The following NRG1 variants were observed in gnomAD, a reference collection of about 807,000 sequenced individuals.
NRG1 encodes pro-neuregulin-1, membrane-bound isoform.
A neutral mutation model predicts 63.8 loss-of-function variants in NRG1; 18 were observed. That is an observed-to-expected ratio of 0.28 (90% CI 0.19 to 0.42). The LOEUF (loss-of-function observed/expected upper bound fraction) is 0.42, where lower values mean the gene tolerates loss of function less well. Among genes scored for constraint, NRG1 ranks in the 10% least tolerant of loss-of-function variants. The probability of loss-of-function intolerance (pLI) is 1.00; values close to 1 mark genes in which losing one functional copy is unlikely to be tolerated. For synonymous variants in NRG1, 302 were observed against 301.3 expected (o/e 1.00, Z -0.02); for missense variants, 762 against 814.7 (o/e 0.94, Z 0.79).
In NRG1 at chr8:31,854,448, G is replaced by A. The variant is rs1385876795; in HGVS notation, c.37+215017G>A. Among the ~76,000 whole-genome samples the A allele has an allele frequency of 4.1e-3, 617 of 151,888 alleles. 1 individual carries two copies. Among genetic ancestry groups the A allele is most frequent in the Non-Finnish European group, 5.9e-3 (398 of 67,884 alleles). Reference sequence around the variant, plus strand: ...TGGTAGTTTGTATTTCTGTGGGATCGGTGGTGATATCCCCTTTATCATTTT... The same window carrying A: ...TGGTAGTTTGTATTTCTGTGGGATCAGTGGTGATATCCCCTTTATCATTTT... On this transcript the variant is annotated intron_variant, in intron 1 of 10. Transcript: ENST00000519301.
chr8:32,264,796 A>G (rs1850741036), intron 1 of NRG1, among the ~76,000 whole-genome samples: 2 of 152,152 alleles, frequency 1.3e-5, no homozygotes, highest in South Asian at 2.1e-4. Context: ...AGTGGTTCCA[A>G]TACTGTGAGG....
chr8:31,847,208 T>G (rs1375987962), intron 1 of NRG1, among the ~76,000 whole-genome samples: 1 of 152,244 alleles, frequency 6.6e-6, no homozygotes, highest in African/African-American at 2.4e-5. Context: ...TTTTCAAGAT[T>G]ATTTTTAACT....
chr8:32,440,402 G>T (rs141291425), intron 1 of NRG1, among the ~76,000 whole-genome samples: 4 of 152,006 alleles, frequency 2.6e-5, no homozygotes, highest in Admixed American at 1.3e-4. Flanking sequence ...CAAGTGATCT[G>T]CCCACCTCGG....
At chr8:31,973,533 G>A (rs772101801) in intron 1 of NRG1, among the ~76,000 whole-genome samples, 6 of 152,122 alleles carry the variant, frequency 3.9e-5, no homozygotes, top group Non-Finnish European at 5.9e-5. Context: ...GTAAATATTC[G>A]TGATTTATTC....
chr8:31,851,625 T>C (rs1178725439), intron 1 of NRG1, among the ~76,000 whole-genome samples: 2 of 152,232 alleles, frequency 1.3e-5, no homozygotes, highest in Non-Finnish European at 2.9e-5. Flanking sequence ...ATTATTATTA[T>C]ACTTTAAGTT....
chr8:31,809,335 C>T (rs1311996451), intron 1 of NRG1, among the ~76,000 whole-genome samples: 1 of 138,642 alleles, frequency 7.2e-6, no homozygotes, highest in African/African-American at 2.6e-5. Context: ...TCTCTCTCTC[C>T]ATATATATAT....
intron 1 of NRG1, among the ~76,000 whole-genome samples, chr8:32,117,949 A>G (rs1832949569): frequency 1.3e-5 from 2 of 152,138 alleles, no homozygotes; most frequent in African/African-American, 4.8e-5. Context: ...TTTAGCACTA[A>G]GAAATCCTGT....
chr8:32,184,343 G>A (rs1406616497), intron 1 of NRG1, among the ~76,000 whole-genome samples: 1 of 151,960 alleles, frequency 6.6e-6, no homozygotes, highest in Non-Finnish European at 1.5e-5. Context: ...TTTCCTGAAG[G>A]TACATTTAGA....
At chr8:32,475,268 C>A (rs1279808273) in intron 1 of NRG1, among the ~76,000 whole-genome samples, 2 of 151,724 alleles carry the variant, frequency 1.3e-5, no homozygotes, top group African/African-American at 2.4e-5. Context: ...AGATCGAGAC[C>A]ATCCTGGCCA....
At chr8:32,456,772 AC>A (rs568260000) in intron 1 of NRG1, among the ~76,000 whole-genome samples, 6 of 151,628 alleles carry the variant, frequency 4.0e-5, no homozygotes, top group Non-Finnish European at 4.4e-5. Context: ...GGGTGGTTGG[AC>A]CCCCCCAGCA....
intron 1 of NRG1, among the ~76,000 whole-genome samples, chr8:32,048,377 ATG>A (rs1821380227): frequency 6.7e-6 from 1 of 148,468 alleles, no homozygotes; most frequent in African/African-American, 2.5e-5. Context: ...ATACATATAT[ATG>A]TATGAATATA....
At chr8:32,409,182 G>T (rs939410190) in intron 1 of NRG1, among the ~76,000 whole-genome samples, 1 of 152,036 alleles carries the variant, frequency 6.6e-6, no homozygotes, top group African/African-American at 2.4e-5. Context: ...AATGGTGCTA[G>T]GAAAATTGGC....
At chr8:31,966,339 G>C (rs1301482177) in intron 1 of NRG1, among the ~76,000 whole-genome samples, 1 of 152,150 alleles carries the variant, frequency 6.6e-6, no homozygotes, top group Non-Finnish European at 1.5e-5. Context: ...GCATTCTGGA[G>C]TAATAATCTG....
chr8:32,596,080 TA>T (rs1300337666), intron 2 of NRG1, 75 bp downstream of exon 2: 5 of 1,146,030 alleles, frequency 4.4e-6, no homozygotes, highest in Non-Finnish European at 6.0e-6. Flanking sequence ...TAGACCCTAA[TA>T]AGTGAATTTA....
At chr8:32,402,303 A>G (rs559995252) in intron 1 of NRG1, among the ~76,000 whole-genome samples, 1 of 152,154 alleles carries the variant, frequency 6.6e-6, no homozygotes, top group South Asian at 2.1e-4. Flanking sequence ...TCAGCCTTGA[A>G]CTTCTTACAA....
intron 1 of NRG1, among the ~76,000 whole-genome samples, chr8:32,308,387 A>G (rs962384690): frequency 6.6e-6 from 1 of 152,176 alleles, no homozygotes; most frequent in Non-Finnish European, 1.5e-5. Context: ...AACATGTTCT[A>G]TCTTAGACAC....
At chr8:32,069,693 C>T (rs957065485) in intron 1 of NRG1, among the ~76,000 whole-genome samples, 1 of 152,074 alleles carries the variant, frequency 6.6e-6, no homozygotes, top group Non-Finnish European at 1.5e-5. Context: ...TAGCATCAAC[C>T]CATGATAGAA....
intron 1 of NRG1, among the ~76,000 whole-genome samples, chr8:31,907,793 T>C (rs1050881927): frequency 6.6e-6 from 1 of 152,202 alleles, no homozygotes. Context: ...AATAATTTTT[T>C]TGAATTGATG....
chr8:31,783,102 G>T (rs1035351124), intron 1 of NRG1, among the ~76,000 whole-genome samples: 4 of 152,146 alleles, frequency 2.6e-5, no homozygotes, highest in Admixed American at 6.5e-5. Flanking sequence ...ATAGGTATAG[G>T]AGAATTTCTT....
Sources: allele counts gnomAD v4.1 joint callset (sites outside exome capture counted in the v4.1 genomes callset), GRCh38; gene constraint gnomAD v4.1.1; transcripts MANE v1.5; gene names NCBI Gene and HGNC (gene_info 2026-07-23, HGNC 2026-07-21).